The following DKK2 variants were observed in gnomAD, a reference collection of about 807,000 sequenced individuals.
DKK2 encodes the protein dickkopf Wnt signaling pathway inhibitor 2, also known as dickkopf-related protein 2.
DKK2 carries 11 observed loss-of-function variants against 28.1 expected under a neutral mutation model. The ratio of observed to expected loss-of-function variants is 0.39; its 90% CI spans 0.25 to 0.65. DKK2 has a LOEUF of 0.65. Among genes scored for constraint, DKK2 ranks in the 30% least tolerant of loss-of-function variants. The pLI, the probability that DKK2 is intolerant of heterozygous loss-of-function variation, is 0.47. For missense variants in DKK2, 326 were observed against 335.5 expected (o/e 0.97, Z 0.22); for synonymous variants, 135 against 126.5 (o/e 1.07, Z -0.45).
intron 1 of DKK2, among the ~76,000 whole-genome samples, chr4:106,945,662 T>A (rs1335178930): frequency 6.6e-6 from 1 of 152,154 alleles, no homozygotes; most frequent in Non-Finnish European, 1.5e-5. Flanking sequence ...TGTACAGAGA[T>A]GGAGTAGTAA....
chr4:106,982,163 G>C (rs139759814), intron 1 of DKK2, among the ~76,000 whole-genome samples: 1 of 152,054 alleles, frequency 6.6e-6, no homozygotes, highest in Non-Finnish European at 1.5e-5. Context: ...TGATTATTTC[G>C]TTTATTTCGT....
chr4:107,009,751 G>A (rs1723489629), intron 1 of DKK2, among the ~76,000 whole-genome samples: 1 of 151,770 alleles, frequency 6.6e-6, no homozygotes, highest in African/African-American at 2.4e-5. Flanking sequence ...CCCTCACTTT[G>A]ACACAGCATT....
intron 1 of DKK2, among the ~76,000 whole-genome samples, chr4:107,006,748 T>C (rs1042926557): frequency 6.6e-6 from 1 of 152,162 alleles, no homozygotes; most frequent in Non-Finnish European, 1.5e-5. Flanking sequence ...CGTCCTGCAT[T>C]TATAGAAAGC....
chr4:106,960,731 A>C (rs952978916), intron 1 of DKK2, among the ~76,000 whole-genome samples: 2 of 152,144 alleles, frequency 1.3e-5, no homozygotes, highest in African/African-American at 4.8e-5. Context: ...AAAATACATA[A>C]ATTTTCCCTT....
chr4:106,986,603 C>T (rs1408568965), intron 1 of DKK2, among the ~76,000 whole-genome samples: 1 of 152,094 alleles, frequency 6.6e-6, no homozygotes, highest in Non-Finnish European at 1.5e-5. Flanking sequence ...ACTAATAGTT[C>T]AGGGAAGTGT....
At chr4:107,009,148 A>G (rs1421798143) in intron 1 of DKK2, among the ~76,000 whole-genome samples, 1 of 151,938 alleles carries the variant, frequency 6.6e-6, no homozygotes, top group Non-Finnish European at 1.5e-5. Context: ...GGCATTATAG[A>G]TTACCTACTA....
At chr4:107,024,411 C>T (rs1196166928) in intron 1 of DKK2, among the ~76,000 whole-genome samples, 1 of 151,994 alleles carries the variant, frequency 6.6e-6, no homozygotes, top group Non-Finnish European at 1.5e-5. Context: ...ACTACTGATA[C>T]TAATTTTTAA....
rs935236450 is a variant in DKK2 at position 106,985,450 on chromosome 4, G to A, written c.222+49920C>T. Among the ~76,000 whole-genome samples the A allele has an allele frequency of 5.9e-5, 9 of 152,116 alleles. 1 individual carries two copies. The highest frequency in any genetic ancestry group is 5.9e-4 in the Admixed American group (9 of 15,280). ...AAAACGAGTGAAGGGTACACCGGATGTCTTTACATTATTTATTACGACTGC... is the reference window on the plus strand; with the variant it reads ...AAAACGAGTGAAGGGTACACCGGATATCTTTACATTATTTATTACGACTGC... On this transcript the variant is annotated intron_variant, in intron 1 of 3. Coordinates refer to ENST00000285311, the MANE Select transcript of DKK2 (RefSeq NM_014421.3).
intron 1 of DKK2, among the ~76,000 whole-genome samples, chr4:107,000,509 G>A (rs1723343723): frequency 1.3e-5 from 2 of 152,080 alleles, no homozygotes; most frequent in South Asian, 2.1e-4. Flanking sequence ...ATTTAAACCT[G>A]CATATTTCAA....
At chr4:106,998,017 G>A (rs1385808738) in intron 1 of DKK2, among the ~76,000 whole-genome samples, 2 of 152,162 alleles carry the variant, frequency 1.3e-5, no homozygotes, top group Non-Finnish European at 2.9e-5. Flanking sequence ...CAGTCTTAAA[G>A]CTGTCAGAAC....
chr4:106,959,590 A>G (rs545745461), intron 1 of DKK2, among the ~76,000 whole-genome samples: 1 of 152,158 alleles, frequency 6.6e-6, no homozygotes, highest in Non-Finnish European at 1.5e-5. Flanking sequence ...CATTTCTGGA[A>G]CAGAATGGTG....
At position 107,005,494 on chromosome 4, in the gene DKK2, C is replaced by T. The variant is rs551638942; in HGVS notation, c.222+29876G>A. 8.5e-5 allele frequency among the ~76,000 whole-genome samples: 13 copies of T among 152,132 alleles called. 1 individual carries two copies. The South Asian group carries it at 2.7e-3, about 32-fold the overall frequency. ...TCAACAAAAAGTCCTAGAAGATCTG[C>T]TTCTTCCTTCTTGATGCCTTTAACA... On this transcript the variant is annotated intron_variant, in intron 1 of 3. Coordinates refer to ENST00000285311, the MANE Select transcript of DKK2 (RefSeq NM_014421.3).
chr4:106,935,898 T>G (rs1724579311), intron 1 of DKK2, among the ~76,000 whole-genome samples: 1 of 152,148 alleles, frequency 6.6e-6, no homozygotes, highest in Admixed American at 6.6e-5. Context: ...GACCTGCAGC[T>G]GAGGGTCCTG....
chr4:106,959,541 A>C (rs1722655632), intron 1 of DKK2, among the ~76,000 whole-genome samples: 1 of 152,060 alleles, frequency 6.6e-6, no homozygotes, highest in Non-Finnish European at 1.5e-5. Context: ...ATTAAGTGTG[A>C]TCTAGACTCA....
intron 1 of DKK2, among the ~76,000 whole-genome samples, chr4:106,939,744 C>G (rs1724663534): frequency 1.3e-5 from 2 of 152,186 alleles, no homozygotes; most frequent in African/African-American, 4.8e-5. Context: ...CAGCATGGTA[C>G]TGATACCAAA....
At position 106,954,725 on chromosome 4, in the gene DKK2, G is replaced by A. The variant is rs190475839; in HGVS notation, c.223-28776C>T. Among the ~76,000 whole-genome samples, 456 of 152,200 alleles carry A rather than the reference G, an allele frequency of 3.0e-3. 1 individual carries two copies. The highest frequency in any genetic ancestry group is 5.0e-3 in the Non-Finnish European group (337 of 68,018). On this transcript the variant is annotated intron_variant, in intron 1 of 3. Transcript: ENST00000285311. ...TTTAGTAGAGATGGGGTTTCACCAT[G>A]TTAGCCAGGATGGTCTCGAACTCCT...
intron 1 of DKK2, among the ~76,000 whole-genome samples, chr4:107,022,623 G>A (rs1356243155): frequency 6.6e-6 from 1 of 152,124 alleles, no homozygotes; most frequent in Non-Finnish European, 1.5e-5. Context: ...AATGGACATA[G>A]ATGGAGAATA....
At chr4:107,018,490 C>T (rs943231397) in intron 1 of DKK2, among the ~76,000 whole-genome samples, 5 of 152,058 alleles carry the variant, frequency 3.3e-5, no homozygotes, top group African/African-American at 1.2e-4. Flanking sequence ...AGGCTCATAT[C>T]TGAGAGATGA....
At chr4:106,966,428 C>T (rs1000886754) in intron 1 of DKK2, among the ~76,000 whole-genome samples, 6 of 152,184 alleles carry the variant, frequency 3.9e-5, no homozygotes, top group Non-Finnish European at 7.3e-5. Context: ...TATGCAACCA[C>T]TCTCCATCTC....
Sources: gnomAD v4.1 joint callset for allele counts (sites outside exome capture counted in the v4.1 genomes callset) on GRCh38, gnomAD v4.1.1 for gene constraint, MANE v1.5 for transcripts, NCBI Gene and HGNC (gene_info 2026-07-23, HGNC 2026-07-21) for gene names.